Variants in CACNA1B observed in about 807,000 individuals in gnomAD.
The protein encoded by CACNA1B is calcium voltage-gated channel subunit alpha1 B.
CACNA1B carries 70 observed loss-of-function variants against 247.2 expected under a neutral mutation model. The ratio of observed to expected loss-of-function variants is 0.28; its 90% confidence interval spans 0.23 to 0.35. The LOEUF is 0.35. Among genes scored for constraint, CACNA1B ranks in the 10% least tolerant of loss-of-function variants. The pLI is 1.00. For synonymous variants in CACNA1B, 1,231 were observed against 1,294.4 expected (o/e 0.95, Z 1.05); for missense variants, 2,367 against 3,197.4 (o/e 0.74, Z 6.26).
At chr9:137,934,625 C>A (rs1001375674) in intron 6 of CACNA1B, among the ~76,000 whole-genome samples, 1 of 152,050 alleles carries the variant, frequency 6.6e-6, no homozygotes, top group Non-Finnish European at 1.5e-5. Flanking sequence ...AGCTGAGAGA[C>A]CCACAGACAG....
At chr9:138,119,302 C>T (rs1234723184) in intron 44 of CACNA1B, among the ~76,000 whole-genome samples, 1 of 152,142 alleles carries the variant, frequency 6.6e-6, no homozygotes, top group African/African-American at 2.4e-5. Context: ...GAAGCTCTGG[C>T]CCCATGTGTT....
intron 7 of CACNA1B, among the ~76,000 whole-genome samples, chr9:137,953,014 G>C (rs1362419186): frequency 6.6e-6 from 1 of 152,218 alleles, no homozygotes; most frequent in African/African-American, 2.4e-5. Flanking sequence ...TGGTGAGAGA[G>C]AGGGCTCAGG....
chr9:138,023,084 C>A lies in CACNA1B; in HGVS notation c.2341C>A (p.Arg781=). 6.5e-7 allele frequency: 1 copy of A among 1,529,626 alleles called. No individual in the cohort carries two copies. The highest frequency in any genetic ancestry group is 8.7e-7 in the Non-Finnish European group (1 of 1,144,978). 94.8% of individuals were successfully genotyped at this position (1,529,626 alleles called of 1,614,324 possible). A position where few individuals can be genotyped will look rare whatever the true frequency, so the allele number is the denominator to read the frequency against. The change falls in exon 19 of 47, where the codon CGG becomes AGG. Residue 781 remains arginine (R), a synonymous_variant. Coordinates refer to ENST00000371372, the MANE Select transcript of CACNA1B (RefSeq NM_000718.4). ...CAGCCAGCTACGGCTGCAGAACCTG[C>A]GGGCCAGCTGCGAGGCGCTGTACAG... ...RASQLRLQNL[R]ASCEALYSEM...
In CACNA1B at chr9:137,914,853, G is replaced by C. The variant is rs200514273; in HGVS notation, c.775+47G>C. The stretch of plus-strand genomic sequence containing the variant: ...CAGCACAGGCAAGTGCCACGGATGC[G>C]TTCATCCAGGAGATGGGCACTGTTC... On this transcript the variant is annotated intron_variant, in intron 5 of 46. Coordinates refer to ENST00000371372, the MANE Select transcript of CACNA1B (RefSeq NM_000718.4). This position sits in a 1 kb window ranked among gnomAD's most constrained non-coding sequence, Gnocchi z 4.3. The C allele has an allele frequency of 1.9e-6, 3 of 1,602,346 alleles. No individual in the cohort carries two copies. The highest frequency in any genetic ancestry group is 1.1e-5 in the South Asian group (1 of 88,804).
chr9:138,064,936 G>A (rs1470310464), intron 31 of CACNA1B, among the ~76,000 whole-genome samples: 1 of 152,240 alleles, frequency 6.6e-6, no homozygotes, highest in Non-Finnish European at 1.5e-5. Flanking sequence ...GTTGGCTCGT[G>A]GGCACTTGGA....
At chr9:137,999,954 C>T (rs1958545769) in intron 15 of CACNA1B, among the ~76,000 whole-genome samples, 1 of 152,104 alleles carries the variant, frequency 6.6e-6, no homozygotes, top group Admixed American at 6.5e-5. Flanking sequence ...GATAATTGTA[C>T]AGCGACTGAT....
chr9:137,949,090 G>GTCC (rs2133332033), intron 6 of CACNA1B, among the ~76,000 whole-genome samples: 5 of 85,686 alleles, frequency 5.8e-5, no homozygotes, highest in South Asian at 4.1e-4. Context: ...TGTGTGTGTG[G>GTCC]TGTGTGCATG....
At chr9:137,900,651 G>A (rs1197868945) in intron 3 of CACNA1B, among the ~76,000 whole-genome samples, 1 of 149,440 alleles carries the variant, frequency 6.7e-6, no homozygotes, top group Non-Finnish European at 1.5e-5. Context: ...GTGTGTCTGT[G>A]CTGTGTGTCC....
At chr9:137,931,156 A>C (rs1020279945) in intron 6 of CACNA1B, among the ~76,000 whole-genome samples, 20 of 152,346 alleles carry the variant, frequency 1.3e-4, no homozygotes, top group African/African-American at 4.3e-4. Context: ...TGCACAAAGC[A>C]ACAAAGGAAT....
At chr9:137,907,177 C>A (rs1366363019) in intron 3 of CACNA1B, among the ~76,000 whole-genome samples, 1 of 152,176 alleles carries the variant, frequency 6.6e-6, no homozygotes, top group Non-Finnish European at 1.5e-5. Context: ...CTCCTCTACC[C>A]CTTAACATTA....
At position 138,046,582 on chromosome 9, in the gene CACNA1B, T is replaced by C. The variant is rs143612102; in HGVS notation, c.3414-322T>C. 3.0e-3 allele frequency among the ~76,000 whole-genome samples: 454 copies of C among 152,378 alleles called. 2 individuals are homozygous for C. Among genetic ancestry groups the C allele is most frequent in the African/African-American group, 9.8e-3 (409 of 41,582 alleles). On this transcript the variant is annotated intron_variant, in intron 21 of 46. Transcript: ENST00000371372. The stretch of plus-strand genomic sequence containing the variant: ...ATGGACAGTTGGTAGTGAATGGATG[T>C]AGCTGTACTCCAGTGAAGTTTTATT...
At chr9:137,958,193 A>G (rs1030124804) in intron 10 of CACNA1B, among the ~76,000 whole-genome samples, 3 of 152,206 alleles carry the variant, frequency 2.0e-5, no homozygotes, top group Non-Finnish European at 4.4e-5. Context: ...TGTTACATGT[A>G]TGAGACAGAA....
At chr9:137,940,338 T>C (rs1399968721) in intron 6 of CACNA1B, among the ~76,000 whole-genome samples, 3 of 152,208 alleles carry the variant, frequency 2.0e-5, no homozygotes, top group African/African-American at 7.2e-5. Context: ...GATAAATTCC[T>C]GGAATGATAC....
intron 37 of CACNA1B, chr9:138,101,277 G>A (rs1270843748): frequency 1.3e-5 from 6 of 476,160 alleles, no homozygotes; most frequent in Non-Finnish European, 2.2e-5. Context: ...TGCCTGGTTT[G>A]GGAATGACGA....
At position 138,073,726 on chromosome 9, in the gene CACNA1B, G is replaced by A. The variant is rs1960212640; in HGVS notation, c.4791+122G>A. ...GAGGGTATGGCATGCAGGTTTCGTG[G>A]TTGTATGCATTGTCCTGTTGTCATT... is the stretch of plus-strand genomic sequence containing the variant. On this transcript the variant is annotated intron_variant, in intron 33 of 46. Transcript: ENST00000371372. This position sits in a 1 kb window ranked among gnomAD's most constrained non-coding sequence, Gnocchi z 6.4. The A allele has an allele frequency of 1.9e-5, 13 of 689,524 alleles. No homozygotes were observed. The East Asian group carries it at 3.3e-4, about 17-fold the overall frequency. The allele number at this position is 689,524 out of a possible 1,614,324, so 42.7% of individuals were successfully genotyped here.
chr9:137,917,666 C>T lies in CACNA1B; in HGVS notation c.966+235C>T, dbSNP rs1388104209. 3.3e-5 allele frequency among the ~76,000 whole-genome samples: 5 copies of T among 152,228 alleles called. No individual in the cohort carries two copies. The highest frequency in any genetic ancestry group is 1.2e-4 in the African/African-American group (5 of 41,458). On this transcript the variant is annotated intron_variant, in intron 6 of 46. Coordinates refer to ENST00000371372, the MANE Select transcript of CACNA1B (RefSeq NM_000718.4). This position sits in a 1 kb window ranked among gnomAD's most constrained non-coding sequence, Gnocchi z 5.5. ...AGGTGGGTCCTCCTGGAGTTGACTC[C>T]TTCGTGAAAATGAAGCAGAAGGCTG... is the stretch of plus-strand genomic sequence containing the variant.
chr9:138,094,407 A>G (rs2131339733), intron 36 of CACNA1B, among the ~76,000 whole-genome samples: 1 of 149,434 alleles, frequency 6.7e-6, no homozygotes, highest in South Asian at 2.2e-4. Flanking sequence ...AAATTGTTAA[A>G]ATGGAAATTT....
At chr9:137,878,820 G>T (rs1365048234) in intron 1 of CACNA1B, among the ~76,000 whole-genome samples, 1 of 152,158 alleles carries the variant, frequency 6.6e-6, no homozygotes, top group African/African-American at 2.4e-5. Context: ...CCGCCCGGGT[G>T]TGCCGAGGGG....
chr9:138,123,104 T>C lies in CACNA1B; in HGVS notation c.*1105T>C, dbSNP rs1962156356. On this transcript the variant is annotated 3_prime_UTR_variant, in exon 47 of 47. Coordinates refer to ENST00000371372, the MANE Select transcript of CACNA1B (RefSeq NM_000718.4). ...TGCATATGATTCTCAGGGCACACTC[T>C]GTGGTATGTGAAATAGGTTTCCTTC... The C allele has an allele frequency of 6.6e-6, 1 of 152,172 alleles. No homozygotes were observed. The highest frequency in any genetic ancestry group is 2.4e-5 in the African/African-American group (1 of 41,362). The allele number at this position is 152,172 out of a possible 1,614,324, so 9.4% of individuals were successfully genotyped here.
Sources: allele counts gnomAD v4.1 joint callset (sites outside exome capture counted in the v4.1 genomes callset), GRCh38; gene constraint gnomAD v4.1.1; non-coding constraint Gnocchi (gnomAD v3.1); transcripts MANE v1.5; gene names NCBI Gene and HGNC (gene_info 2026-07-23, HGNC 2026-07-21).